The following HDAC2 variants were observed in gnomAD, a reference collection of about 807,000 sequenced individuals.
The protein encoded by HDAC2 is histone deacetylase 2, also known as YY1-associated factor 1.
A neutral mutation model predicts 68.5 loss-of-function variants in HDAC2; 5 were observed. The observed-to-expected ratio is 0.07, with a 90% CI of 0.04 to 0.15. The LOEUF is 0.15. Ranked by LOEUF, HDAC2 falls within the 10% of genes least tolerant of loss-of-function variation. The pLI is 1.00. For missense variants in HDAC2, 291 were observed against 600.8 expected (o/e 0.48, Z 5.39); for synonymous variants, 182 against 191.3 (o/e 0.95, Z 0.40).
At chr6:113,970,680 T>C in intron 1 of HDAC2, 177 bp downstream of exon 1, 4 of 1,353,434 alleles carry the variant, frequency 3.0e-6, no homozygotes, top group Non-Finnish European at 3.8e-6. Context: ...CCGCGGGGGC[T>C]GCGCCAGGAA....
chr6:113,962,452 GTTAAT>G (rs1326982416), intron 1 of HDAC2: 4 of 430,830 alleles, frequency 9.3e-6, no homozygotes, highest in African/African-American at 6.4e-5. Flanking sequence ...TAGGGTCTTG[GTTAAT>G]TTAAAGAAAA....
At position 113,967,417 on chromosome 6, in the gene HDAC2, C is replaced by A. The variant is rs1776850762; in HGVS notation, c.52+3440G>T. On this transcript the variant is annotated intron_variant, in intron 1 of 13. Transcript: ENST00000519065. ...GTGCTGAGATTATAGGCATGAGCCA[C>A]CACACCTGGCCTAATCTTGATAACT... 2.0e-5 allele frequency among the ~76,000 whole-genome samples: 3 copies of A among 152,216 alleles called. No homozygotes were observed. In the South Asian group the frequency reaches 6.2e-4, roughly 31 times the overall value.
At chr6:113,952,073 C>T (rs1233699550) in intron 6 of HDAC2, among the ~76,000 whole-genome samples, 2 of 152,192 alleles carry the variant, frequency 1.3e-5, no homozygotes, top group Non-Finnish European at 2.9e-5. Flanking sequence ...TATCAGTTTA[C>T]AGCAGTGGTT....
chr6:113,942,176 A>G (rs1403058716), intron 12 of HDAC2, among the ~76,000 whole-genome samples: 1 of 152,104 alleles, frequency 6.6e-6, no homozygotes, highest in Non-Finnish European at 1.5e-5. Context: ...ACAGACAGAC[A>G]AGAAAACATA....
chr6:113,952,527 G>A (rs1370397118), intron 6 of HDAC2, among the ~76,000 whole-genome samples: 2 of 152,120 alleles, frequency 1.3e-5, no homozygotes, highest in Non-Finnish European at 2.9e-5. Flanking sequence ...TAATAAAATA[G>A]TTTAAAACTT....
At chr6:113,944,531 G>A in intron 10 of HDAC2, 121 bp from the exon 11 acceptor site, 1 of 769,946 alleles carries the variant, frequency 1.3e-6, no homozygotes. Context: ...ATATTAAAAG[G>A]TCTCTCTTTG....
intron 1 of HDAC2, 89 bp downstream of exon 1, chr6:113,970,768 C>G: frequency 7.0e-7 from 1 of 1,436,190 alleles, no homozygotes; most frequent in East Asian, 2.6e-5. Flanking sequence ...CCTTCCCACC[C>G]CTCAGCCCCG....
At chr6:113,963,588 C>G (rs1239506533) in intron 1 of HDAC2, among the ~76,000 whole-genome samples, 2 of 152,152 alleles carry the variant, frequency 1.3e-5, no homozygotes, top group African/African-American at 4.8e-5. Context: ...ACTTAATAGT[C>G]AAGGAAATGC....
chr6:113,949,285 T>A (rs779900029), intron 6 of HDAC2, 25 bp from the exon 7 acceptor site: 1 of 1,322,454 alleles, frequency 7.6e-7, no homozygotes, highest in East Asian at 2.3e-5. Context: ...TAAACTGATC[T>A]TAGAGAATAT....
At position 113,933,057 on chromosome 6, in the gene HDAC2, C is replaced by T. The variant is rs1775928916; in HGVS notation, c.*8001G>A. Reference sequence around the variant, plus strand: ...TCTTTTTCCTTTATTTGAGCTTTGTCTTTCCCATGTATATTTACATTATCT... The same window carrying T: ...TCTTTTTCCTTTATTTGAGCTTTGTTTTTCCCATGTATATTTACATTATCT... On this transcript the variant is annotated 3_prime_UTR_variant, in exon 14 of 14. Transcript: ENST00000519065. The T allele has an allele frequency of 6.6e-6, 1 of 152,132 alleles. No homozygotes were observed. Among genetic ancestry groups the T allele is most frequent in the African/African-American group, 2.4e-5 (1 of 41,420 alleles). The allele number at this position is 152,132 out of a possible 1,614,324, so 9.4% of individuals were successfully genotyped here.
Position 113,943,405 on chromosome 6 carries a change from C to T in HDAC2, c.1324G>A (p.Ala442Thr). Residue 442 changes from alanine to threonine, a missense_variant, in exon 12 of 14, where the codon GCA becomes ACA. Around this residue, in one of 2 missense-constraint regions of HDAC2, gnomAD observed 137 missense variants for 128.7 expected, o/e 1.06. Transcript: ENST00000519065. ...RRNVADHKKGAKKARIEEDKK... is the reference protein window; with the variant it reads ...RRNVADHKKGTKKARIEEDKK... ...TCTTCTTCAATTCTAGCTTTCTTTG[C>T]TCCTTTCTTATGATCAGCCACATTT... 6.2e-7 allele frequency: 1 copy of T among 1,610,334 alleles called. No individual in the cohort carries two copies. Among genetic ancestry groups the T allele is most frequent in the Non-Finnish European group, 8.5e-7 (1 of 1,178,776 alleles).
At chr6:113,953,774 T>C (rs527428204) in intron 5 of HDAC2, among the ~76,000 whole-genome samples, 3 of 152,354 alleles carry the variant, frequency 2.0e-5, no homozygotes, top group African/African-American at 4.8e-5. Flanking sequence ...TAGTATAAAA[T>C]AGGGATTGGC....
chr6:113,956,506 T>C, intron 4 of HDAC2, 113 bp downstream of exon 4: 1 of 745,520 alleles, frequency 1.3e-6, no homozygotes, highest in East Asian at 2.6e-5. Context: ...CATACTGATT[T>C]CCTTTTGTTA....
At position 113,943,511 on chromosome 6, in the gene HDAC2, A is replaced by T; in HGVS notation, c.1223-5T>A. ...TCCGCTTGTCTGATGCTCGAACTGC[A>T]CAGAATATTTTAATAAATTTTGACA... On this transcript the variant is annotated splice_region_variant and splice_polypyrimidine_tract_variant and intron_variant, in intron 11 of 13. Transcript: ENST00000519065. 1.9e-6 allele frequency: 3 copies of T among 1,585,756 alleles called. No homozygotes were observed. The highest frequency in any genetic ancestry group is 2.6e-6 in the Non-Finnish European group (3 of 1,173,814).
At chr6:113,958,459 C>T in intron 3 of HDAC2, 190 bp downstream of exon 3, 2 of 443,644 alleles carry the variant, frequency 4.5e-6, no homozygotes, top group Non-Finnish European at 7.9e-6. Flanking sequence ...TTTTGCAAAC[C>T]AATAAGCTTC....
In HDAC2 at chr6:113,936,436, C is replaced by G. The variant is rs566782076; in HGVS notation, c.*4622G>C. ...TATTTTTTCTGTAATCTACTTAATG[C>G]CATTTTTCTTGAGATTATCCTTGAG... On this transcript the variant is annotated 3_prime_UTR_variant, in exon 14 of 14. Coordinates refer to ENST00000519065, the MANE Select transcript of HDAC2 (RefSeq NM_001527.4). 9 of 152,210 alleles carry G rather than the reference C, an allele frequency of 5.9e-5. No individual in the cohort carries two copies. The highest frequency in any genetic ancestry group is 2.2e-4 in the African/African-American group (9 of 41,534). 9.4% of individuals were successfully genotyped at this position (152,210 alleles called of 1,614,324 possible).
chr6:113,934,439 G>T lies in HDAC2; in HGVS notation c.*6619C>A, dbSNP rs1245184662. ...AAAGGCTGGTGCTAGACCCATATAT[G>T]TGATTTCCAGTGCATTGTTCTTTAC... On this transcript the variant is annotated 3_prime_UTR_variant, in exon 14 of 14. Coordinates refer to ENST00000519065, the MANE Select transcript of HDAC2 (RefSeq NM_001527.4). 1 of 152,218 alleles carries T rather than the reference G, an allele frequency of 6.6e-6. No homozygotes were observed. The highest frequency in any genetic ancestry group is 2.4e-5 in the African/African-American group (1 of 41,442). 9.4% of individuals were successfully genotyped at this position (152,218 alleles called of 1,614,324 possible).
At chr6:113,958,432 G>C (rs1776606515) in intron 3 of HDAC2, 1 of 405,302 alleles carries the variant, frequency 2.5e-6, no homozygotes, top group Non-Finnish European at 4.4e-6. Flanking sequence ...AGGAGTAGAA[G>C]AATACCCAAA....
At chr6:113,944,656 C>T (rs1015639292) in intron 10 of HDAC2, among the ~76,000 whole-genome samples, 7 of 152,026 alleles carry the variant, frequency 4.6e-5, no homozygotes, top group Admixed American at 2.0e-4. Context: ...CCACCATGCC[C>T]GGCTAATTTT....
Sources: gnomAD v4.1 joint callset for allele counts (sites outside exome capture counted in the v4.1 genomes callset) on GRCh38, gnomAD v4.1.1 for gene constraint, gnomAD v4.1.1 regional missense constraint, MANE v1.5 for transcripts, NCBI Gene and HGNC (gene_info 2026-07-23, HGNC 2026-07-21) for gene names.